The following CLEC1A variants were observed in gnomAD, a reference collection of about 807,000 sequenced individuals.
The protein encoded by CLEC1A is C-type lectin-like receptor-1.
Under a neutral mutation model 28.7 loss-of-function variants are expected in CLEC1A, and 34 were observed. The observed-to-expected ratio is 1.18, with a 90% CI of 0.90 to 1.57. CLEC1A has a LOEUF of 1.57. Ranked by LOEUF, CLEC1A falls within the 40% of genes most tolerant of loss-of-function variation. The probability of loss-of-function intolerance (pLI) is 0.00; values close to 1 mark genes in which losing one functional copy is unlikely to be tolerated. For synonymous variants in CLEC1A, 116 were observed against 121.0 expected (o/e 0.96, Z 0.27); for missense variants, 385 against 339.5 (o/e 1.13, Z -1.05).
At chr12:10,087,472 T>TTATATATA (rs200437169) in intron 2 of CLEC1A, among the ~76,000 whole-genome samples, 67 of 75,174 alleles carry the variant, frequency 8.9e-4, no homozygotes, top group African/African-American at 1.6e-3. Flanking sequence ...TACCTCAAAG[T>TTATATATA]TATATATATA....
rs1243031415 is a variant in CLEC1A at position 10,070,738 on chromosome 12, G to A, written c.*595C>T. On this transcript the variant is annotated 3_prime_UTR_variant, in exon 6 of 6. Coordinates refer to ENST00000315330, the MANE Select transcript of CLEC1A (RefSeq NM_016511.4). ...TCAGAGTCTTAATGGACACAGGAAG[G>A]AATGCTTATAAGGCATTGAGATTTG... 1.3e-5 allele frequency: 2 copies of A among 152,200 alleles called. No homozygotes were observed. Among genetic ancestry groups the A allele is most frequent in the East Asian group, 3.8e-4 (2 of 5,196 alleles). 9.4% of individuals were successfully genotyped at this position (152,200 alleles called of 1,614,324 possible). A position where few individuals can be genotyped will look rare whatever the true frequency, so the allele number is the denominator to read the frequency against.
chr12:10,088,233 T>C lies in CLEC1A; in HGVS notation c.214+891A>G, dbSNP rs1224472065. On this transcript the variant is annotated intron_variant, in intron 2 of 5. Coordinates refer to ENST00000315330, the MANE Select transcript of CLEC1A (RefSeq NM_016511.4). The stretch of plus-strand genomic sequence containing the variant: ...CCCTCATGAATCATAAGAGTTCCTC[T>C]ATATTTCCAAGAATAATGGTGATTG... 3.9e-5 allele frequency among the ~76,000 whole-genome samples: 6 copies of C among 152,316 alleles called. No individual in the cohort carries two copies. In the East Asian group the frequency reaches 7.7e-4, roughly 20 times the overall value.
intron 3 of CLEC1A, among the ~76,000 whole-genome samples, chr12:10,080,991 G>T (rs1457212169): frequency 6.6e-6 from 1 of 152,118 alleles, no homozygotes; most frequent in Non-Finnish European, 1.5e-5. Flanking sequence ...TCTTATTTTG[G>T]TTATTCTTAG....
chr12:10,080,647 A>G (rs566904793), intron 3 of CLEC1A, among the ~76,000 whole-genome samples: 38 of 152,360 alleles, frequency 2.5e-4, no homozygotes, highest in African/African-American at 8.2e-4. Flanking sequence ...CCTGAAAAGA[A>G]TAGGAGAATA....
chr12:10,091,187 T>C (rs1947698717), intron 1 of CLEC1A, among the ~76,000 whole-genome samples: 1 of 152,188 alleles, frequency 6.6e-6, no homozygotes, highest in Admixed American at 6.5e-5. Flanking sequence ...TTTCTCTCCA[T>C]TTAACATTCC....
rs1591900170 is a variant in CLEC1A at position 10,071,273 on chromosome 12, A to G, written c.*60T>C. ...TTATGTTCCATTTCCCAATGTCTCA[A>G]CTAGCCCTTGCTTTGGCACCGCCTG... On this transcript the variant is annotated 3_prime_UTR_variant, in exon 6 of 6. Transcript: ENST00000315330. The G allele has an allele frequency of 1.3e-6, 2 of 1,495,918 alleles. No homozygotes were observed. The highest frequency in any genetic ancestry group is 4.6e-5 in the East Asian group (2 of 43,932). The allele number at this position is 1,495,918 out of a possible 1,614,324, so 92.7% of individuals were successfully genotyped here. A position where few individuals can be genotyped will look rare whatever the true frequency, so the allele number is the denominator to read the frequency against.
intron 3 of CLEC1A, among the ~76,000 whole-genome samples, chr12:10,080,267 C>T (rs1370387863): frequency 1.3e-5 from 2 of 152,106 alleles, no homozygotes; most frequent in Non-Finnish European, 1.5e-5. Context: ...AAGCCGAGAT[C>T]GTGTCACTGC....
At chr12:10,073,990 T>C (rs1476488517) in intron 4 of CLEC1A, among the ~76,000 whole-genome samples, 3 of 152,164 alleles carry the variant, frequency 2.0e-5, no homozygotes, top group Admixed American at 6.5e-5. Context: ...ATATTTAACA[T>C]ATGTTTACAT....
chr12:10,075,746 G>T, intron 3 of CLEC1A, 91 bp from the exon 4 acceptor site: 2 of 1,102,994 alleles, frequency 1.8e-6, no homozygotes, highest in Non-Finnish European at 2.6e-6. Flanking sequence ...TCCTAAGAAA[G>T]AATTAACTCT....
chr12:10,081,392 G>A lies in CLEC1A; in HGVS notation c.236C>T (p.Ser79Phe), dbSNP rs1422121412. 6.2e-7 allele frequency: 1 copy of A among 1,607,208 alleles called. No individual in the cohort carries two copies. Among genetic ancestry groups the A allele is most frequent in the African/African-American group, 1.3e-5 (1 of 74,172 alleles). ...AGAAATGGTGTCTTGACCAGTATTG[G>A]AGAGCTGGTAGTACTGAAAAACTAA... ...GLLFFQYYQL[S>F]NTGQDTISQM... The change falls in exon 3 of 6, where the codon TCC becomes TTC. Residue 79 changes from serine (S) to phenylalanine (F), a missense_variant. Transcript: ENST00000315330.
chr12:10,070,425 C>T lies in CLEC1A; in HGVS notation c.*908G>A, dbSNP rs1866101169. The T allele has an allele frequency of 6.6e-6, 1 of 152,192 alleles. No individual in the cohort carries two copies. The allele number at this position is 152,192 out of a possible 1,614,324, so 9.4% of individuals were successfully genotyped here. On this transcript the variant is annotated 3_prime_UTR_variant, in exon 6 of 6. Coordinates refer to ENST00000315330, the MANE Select transcript of CLEC1A (RefSeq NM_016511.4). ...ATGACCGCTATCATATTTTGAAAAG[C>T]ATTTCCATGCTGAATTTTCCCACCA...
intron 5 of CLEC1A, among the ~76,000 whole-genome samples, chr12:10,071,748 TTC>T (rs893718859): frequency 6.6e-6 from 1 of 152,182 alleles, no homozygotes; most frequent in African/African-American, 2.4e-5. Flanking sequence ...AAGCTACGTG[TTC>T]TCCTCCAAAT....
rs189160580 is a variant in CLEC1A at position 10,082,690 on chromosome 12, T to A, written c.215-1277A>T. ...TTAGAACAAGCTTACATCCCGTGTC[T>A]ACTACTGCAGCTGGTGCTCTCTTTA... On this transcript the variant is annotated intron_variant, in intron 2 of 5. Coordinates refer to ENST00000315330, the MANE Select transcript of CLEC1A (RefSeq NM_016511.4). Among the ~76,000 whole-genome samples, 513 of 152,240 alleles carry A rather than the reference T, an allele frequency of 3.4e-3. 5 individuals carry two copies. The highest frequency in any genetic ancestry group is 0.012 in the African/African-American group (484 of 41,560).
intron 1 of CLEC1A, among the ~76,000 whole-genome samples, chr12:10,094,147 C>T (rs147777781): frequency 1.7e-4 from 26 of 152,086 alleles, no homozygotes; most frequent in Admixed American, 5.2e-4. Context: ...AATTTTATAT[C>T]CCCATCAACA....
At position 10,091,655 on chromosome 12, in the gene CLEC1A, T is replaced by TAA. The variant is rs11407068; in HGVS notation, c.116-2435_116-2434dup. On this transcript the variant is annotated intron_variant, in intron 1 of 5. Transcript: ENST00000315330. ...AAAAGTATTTCAGATCAGCAGAACA[T>TAA]AAAAAAAAAAAAAGATTAGAGGCAG... Among the ~76,000 whole-genome samples, 278 of 145,222 alleles carry TAA rather than the reference T, an allele frequency of 1.9e-3. 1 individual carries two copies. Among genetic ancestry groups the TAA allele is most frequent in the Middle Eastern group, 0.011 (3 of 284 alleles).
At position 10,069,949 on chromosome 12, in the gene CLEC1A, C is replaced by G. The variant is rs923006542; in HGVS notation, c.*1384G>C. On this transcript the variant is annotated 3_prime_UTR_variant, in exon 6 of 6. Coordinates refer to ENST00000315330, the MANE Select transcript of CLEC1A (RefSeq NM_016511.4). Reference sequence around the variant, plus strand: ...CCATGAGATAGATGTTTATGAAAAACAAAACTGAAGCACCTCAGTTTCCAC... The same window carrying G: ...CCATGAGATAGATGTTTATGAAAAAGAAAACTGAAGCACCTCAGTTTCCAC... 2.0e-5 allele frequency: 3 copies of G among 152,174 alleles called. No individual in the cohort carries two copies. The highest frequency in any genetic ancestry group is 4.8e-5 in the African/African-American group (2 of 41,438). The allele number at this position is 152,174 out of a possible 1,614,324, so 9.4% of individuals were successfully genotyped here. A position where few individuals can be genotyped will look rare whatever the true frequency, so the allele number is the denominator to read the frequency against.
intron 1 of CLEC1A, among the ~76,000 whole-genome samples, chr12:10,097,875 A>G (rs1947798078): frequency 8.1e-6 from 1 of 123,556 alleles, no homozygotes; most frequent in African/African-American, 2.9e-5. Context: ...AGAGGTTGGA[A>G]ATCCCCAATG....
intron 5 of CLEC1A, among the ~76,000 whole-genome samples, chr12:10,072,765 A>C (rs1200689349): frequency 6.6e-6 from 1 of 152,060 alleles, no homozygotes; most frequent in Non-Finnish European, 1.5e-5. Context: ...TGTCTCCCTC[A>C]CTGGCTTATA....
chr12:10,073,086 C>T (rs1193265875), intron 5 of CLEC1A, among the ~76,000 whole-genome samples: 1 of 152,036 alleles, frequency 6.6e-6, no homozygotes, highest in African/African-American at 2.4e-5. Flanking sequence ...TCTCAAAAAA[C>T]AATCAAACGA....
Sources: gnomAD v4.1 joint callset for allele counts (sites outside exome capture counted in the v4.1 genomes callset) on GRCh38, gnomAD v4.1.1 for gene constraint, MANE v1.5 for transcripts, NCBI Gene and HGNC (gene_info 2026-07-23, HGNC 2026-07-21) for gene names.